The following ANGPTL1 variants were observed in gnomAD, a reference collection of about 807,000 sequenced individuals.
The protein encoded by ANGPTL1 is angiopoietin-related protein 1.
A neutral mutation model predicts 46.7 loss-of-function variants in ANGPTL1; 36 were observed. That is an observed-to-expected ratio of 0.77 (90% confidence interval 0.59 to 1.02). The LOEUF (loss-of-function observed/expected upper bound fraction) is 1.02, where lower values mean the gene tolerates loss of function less well. ANGPTL1 is among the 50% of genes least tolerant of loss of function. The pLI, the probability that ANGPTL1 is intolerant of heterozygous loss-of-function variation, is 0.00. For missense variants in ANGPTL1, 571 were observed against 594.7 expected, an observed-to-expected ratio of 0.96 and a Z score of 0.41; for synonymous variants, 221 against 204.3, an observed-to-expected ratio of 1.08 and a Z score of -0.69.
intron 2 of ANGPTL1, among the ~76,000 whole-genome samples, 185 bp downstream of exon 2, chr1:178,868,929 T>G (rs1271794656): frequency 6.6e-6 from 1 of 152,032 alleles, no homozygotes; most frequent in Non-Finnish European, 1.5e-5. Flanking sequence ...AGTAAAGAAC[T>G]GGTTTTAAAA....
intron 2 of ANGPTL1, 126 bp from the exon 3 acceptor site, chr1:178,865,928 G>T: frequency 1.8e-6 from 1 of 550,084 alleles, no homozygotes; most frequent in Non-Finnish European, 3.1e-6. Flanking sequence ...AATAGATTAG[G>T]CTAGAATTAA....
rs765362183 is a variant in ANGPTL1, at chr1:178,853,673, A to C, written c.938T>G (p.Leu313Trp). 1.9e-6 allele frequency: 3 copies of C among 1,612,980 alleles called. No individual in the cohort carries two copies. Among genetic ancestry groups the C allele is most frequent in the Admixed American group, 3.3e-5 (2 of 59,882 alleles). Reference sequence around the variant, plus strand: ...AATAACAGTCCAACCCCCAGGGTCCAAACTGTTTTCACACCATAACTGCAT... The same window carrying C: ...AATAACAGTCCAACCCCCAGGGTCCCAACTGTTTTCACACCATAACTGCAT... ...GPMQLWCENS[L>W]DPGGWTVIQK... The change falls in exon 4 of 6, where the codon TTG becomes TGG. Residue 313 changes from leucine to tryptophan, a missense_variant. Leu to Trp is a moderately conservative substitution (Grantham distance 61). Transcript: ENST00000234816.
chr1:178,860,972 A>G lies in ANGPTL1; in HGVS notation c.823+3982T>C, dbSNP rs140464843. ...ATTGTGTAAGGAAAATAGCCAGCCT[A>G]TTTGTTGTTGCTTGTAGTAATTTAA... On this transcript the variant is annotated intron_variant, in intron 3 of 5. Transcript: ENST00000234816. 6.1e-3 allele frequency among the ~76,000 whole-genome samples: 926 copies of G among 152,294 alleles called. 10 individuals are homozygous for G. The highest frequency in any genetic ancestry group is 0.021 in the African/African-American group (884 of 41,558).
chr1:178,870,498 A>G (rs1255405990), intron 1 of ANGPTL1, among the ~76,000 whole-genome samples: 2 of 152,210 alleles, frequency 1.3e-5, no homozygotes, highest in Non-Finnish European at 1.5e-5. Flanking sequence ...GCATGCATGT[A>G]TCAGTCTGTA....
chr1:178,850,906 A>G lies in ANGPTL1; in HGVS notation c.*223T>C. On this transcript the variant is annotated 3_prime_UTR_variant, in exon 6 of 6. Coordinates refer to ENST00000234816, the MANE Select transcript of ANGPTL1 (RefSeq NM_004673.4). Reference sequence around the variant, plus strand: ...AACAAACTTTGTATTTAGTCAACATAATTTTTAAAATAACTAGGTTGTGGA... The same window carrying G: ...AACAAACTTTGTATTTAGTCAACATGATTTTTAAAATAACTAGGTTGTGGA... 2.7e-6 allele frequency: 1 copy of G among 377,216 alleles called. No homozygotes were observed. The highest frequency in any genetic ancestry group is 4.6e-6 in the Non-Finnish European group (1 of 218,484). 23.4% of individuals were successfully genotyped at this position (377,216 alleles called of 1,614,324 possible). A position where few individuals can be genotyped will look rare whatever the true frequency, so the allele number is the denominator to read the frequency against.
At chr1:178,853,962 C>T (rs1405709349) in intron 3 of ANGPTL1, among the ~76,000 whole-genome samples, 175 bp from the exon 4 acceptor site, 1 of 151,848 alleles carries the variant, frequency 6.6e-6, no homozygotes, top group Admixed American at 6.6e-5. Flanking sequence ...CTATCTGGAA[C>T]ATTAATTTGT....
Position 178,865,260 on chromosome 1 carries a change from T to A in ANGPTL1, c.517A>T (p.Arg173Trp). Residue 173 changes from arginine to tryptophan, a missense_variant, in exon 3 of 6, where the codon AGG becomes TGG. Arg to Trp is a moderately radical substitution (Grantham distance 101). Transcript: ENST00000234816. Reference sequence around the variant, plus strand: ...GAAGCGTATTTCACCTCTAGTTCCCTGTATCTTGTTGCCATCTTCAACATT... The same window carrying A: ...GAAGCGTATTTCACCTCTAGTTCCCAGTATCTTGTTGCCATCTTCAACATT... Reference protein sequence around the residue: ...TEMLKMATRYRELEVKYASLT... With the variant: ...TEMLKMATRYWELEVKYASLT... 6.2e-7 allele frequency: 1 copy of A among 1,614,132 alleles called. No homozygotes were observed. The highest frequency in any genetic ancestry group is 8.5e-7 in the Non-Finnish European group (1 of 1,179,998).
chr1:178,852,873 C>T lies in ANGPTL1; in HGVS notation c.1098G>A (p.Lys366=). Residue 366 remains lysine (K), a synonymous_variant, in exon 5 of 6, where the codon AAG becomes AAA. Transcript: ENST00000234816. The part of the protein sequence containing the change: ...IYMLSNQDNY[K]LLIELEDWSD... ...TCCAGTCTTCTAATTCAATCAATAA[C>T]TTGTAATTATCTTGATTGCTAAGCA... is the stretch of plus-strand genomic sequence containing the variant. 6.2e-7 allele frequency: 1 copy of T among 1,613,820 alleles called. No individual in the cohort carries two copies. The highest frequency in any genetic ancestry group is 1.1e-5 in the South Asian group (1 of 91,060).
rs80350662 is a variant in ANGPTL1, at chr1:178,849,929, T to A, written c.*1200A>T. On this transcript the variant is annotated 3_prime_UTR_variant, in exon 6 of 6. Coordinates refer to ENST00000234816, the MANE Select transcript of ANGPTL1 (RefSeq NM_004673.4). The stretch of plus-strand genomic sequence containing the variant: ...CTTTAAAATTTTAACTTCACAAATA[T>A]ATTAAGGCAAGGTCACCTCTAAGCA... 6,253 of 152,420 alleles carry A rather than the reference T, an allele frequency of 0.041. 176 individuals are homozygous for A. The highest frequency in any genetic ancestry group is 0.073 in the African/African-American group (3,021 of 41,582). 9.4% of individuals were successfully genotyped at this position (152,420 alleles called of 1,614,324 possible).
intron 5 of ANGPTL1, 56 bp from the exon 6 acceptor site, chr1:178,851,372 T>A: frequency 6.9e-7 from 1 of 1,442,370 alleles, no homozygotes; most frequent in Non-Finnish European, 9.2e-7. Context: ...TGTGGTACTC[T>A]GCAATCATAA....
rs367751977 is a variant in ANGPTL1, at chr1:178,853,564, A to G, written c.1017+30T>C. On this transcript the variant is annotated intron_variant, in intron 4 of 5. Coordinates refer to ENST00000234816, the MANE Select transcript of ANGPTL1 (RefSeq NM_004673.4). ...ATTATTGCAAGAATGGATTTGTTTTACTTCCCTTAGGTCTGCATCACTGAT... is the reference window on the plus strand; with the variant it reads ...ATTATTGCAAGAATGGATTTGTTTTGCTTCCCTTAGGTCTGCATCACTGAT... 3 of 1,487,590 alleles carry G rather than the reference A, an allele frequency of 2.0e-6. No individual in the cohort carries two copies. The African/African-American group carries it at 4.3e-5, about 22-fold the overall frequency. 92.1% of individuals were successfully genotyped at this position (1,487,590 alleles called of 1,614,324 possible). A position where few individuals can be genotyped will look rare whatever the true frequency, so the allele number is the denominator to read the frequency against.
intron 3 of ANGPTL1, among the ~76,000 whole-genome samples, chr1:178,861,284 A>C (rs1657992652): frequency 6.6e-6 from 1 of 152,248 alleles, no homozygotes; most frequent in Non-Finnish European, 1.5e-5. Flanking sequence ...TGTTTACATA[A>C]AACAAATAAT....
chr1:178,859,490 G>A (rs1369792533), intron 3 of ANGPTL1, among the ~76,000 whole-genome samples: 7 of 138,964 alleles, frequency 5.0e-5, no homozygotes, highest in East Asian at 2.1e-4. Flanking sequence ...TGCAACCTCC[G>A]CCTCCCGAGT....
chr1:178,859,293 TAAG>T lies in ANGPTL1; in HGVS notation c.824-5509_824-5507del, dbSNP rs530225849. Among the ~76,000 whole-genome samples, 408 of 152,238 alleles carry T rather than the reference TAAG, an allele frequency of 2.7e-3. 5 individuals carry two copies. Among genetic ancestry groups the T allele is most frequent in the Middle Eastern group, 0.01 (3 of 294 alleles). ...AACCAATTATACCTAAAAAGTATAT[TAAG>T]AAGCATTATAAATAATTTGAAAAAT... On this transcript the variant is annotated intron_variant, in intron 3 of 5. Coordinates refer to ENST00000234816, the MANE Select transcript of ANGPTL1 (RefSeq NM_004673.4).
At position 178,853,739 on chromosome 1, in the gene ANGPTL1, C is replaced by G. The variant is rs370215268; in HGVS notation, c.872G>C (p.Ser291Thr). Residue 291 changes from serine to threonine, a missense_variant, in exon 4 of 6, where the codon AGT becomes ACT. Transcript: ENST00000234816. ...TTCAGGTTTAATCATATAAATCCCA[C>G]TGACCGAATGCCCAGCTTCTTTTGC... is the stretch of plus-strand genomic sequence containing the variant. Reference protein sequence around the residue: ...QQAKEAGHSVSGIYMIKPENS... With the variant: ...QQAKEAGHSVTGIYMIKPENS... 2.2e-5 allele frequency: 36 copies of G among 1,605,534 alleles called. No homozygotes were observed. The highest frequency in any genetic ancestry group is 1.1e-4 in the African/African-American group (8 of 74,206).
chr1:178,859,263 A>G (rs1341050139), intron 3 of ANGPTL1, among the ~76,000 whole-genome samples: 1 of 152,136 alleles, frequency 6.6e-6, no homozygotes, highest in Non-Finnish European at 1.5e-5. Context: ...TAAGTATTCC[A>G]TTGAAACCAA....
At position 178,865,715 on chromosome 1, in the gene ANGPTL1, C is replaced by A; in HGVS notation, c.62G>T (p.Cys21Phe). The A allele has an allele frequency of 6.2e-7, 1 of 1,613,596 alleles. No homozygotes were observed. ...LFFLLVDTGH[C>F]RGGQFKIKKI... is the part of the protein sequence containing the mutation. ...TTTAATTTTGAATTGTCCACCTCTG[C>A]AATGTCCAGTGTCCACTAGTAGGAA... Residue 21 changes from cysteine (C) to phenylalanine (F), a missense_variant, in exon 3 of 6, where the codon TGC becomes TTC. By Grantham distance (205) the Cys-to-Phe change is radical (BLOSUM62 -2). Coordinates refer to ENST00000234816, the MANE Select transcript of ANGPTL1 (RefSeq NM_004673.4).
At chr1:178,870,071 C>T (rs1327304713) in intron 1 of ANGPTL1, among the ~76,000 whole-genome samples, 4 of 151,900 alleles carry the variant, frequency 2.6e-5, no homozygotes, top group Non-Finnish European at 5.9e-5. Flanking sequence ...CAAGTGATTC[C>T]ATTTGTAGCA....
chr1:178,850,238 A>G lies in ANGPTL1; in HGVS notation c.*891T>C, dbSNP rs78990407. 5,951 of 152,672 alleles carry G rather than the reference A, an allele frequency of 0.039. 181 individuals carry two copies. The highest frequency in any genetic ancestry group is 0.058 in the Middle Eastern group (17 of 294). The allele number at this position is 152,672 out of a possible 1,614,324, so 9.5% of individuals were successfully genotyped here. ...CCAAACTTTCTGATTTGAATTGCAG[A>G]TTGGTTGGGTTTTTTTTTCTTTGTA... On this transcript the variant is annotated 3_prime_UTR_variant, in exon 6 of 6. Transcript: ENST00000234816.
Sources: allele counts gnomAD v4.1 joint callset (sites outside exome capture counted in the v4.1 genomes callset), GRCh38; gene constraint gnomAD v4.1.1; transcripts MANE v1.5; gene names NCBI Gene and HGNC (gene_info 2026-07-23, HGNC 2026-07-21).